The following MROH9 variants were observed in gnomAD, a reference collection of about 807,000 sequenced individuals.
MROH9 encodes the protein maestro heat like repeat family member 9.
In MROH9, 92 loss-of-function variants were observed where a neutral mutation model predicts 98.2. That is an observed-to-expected ratio of 0.94 (90% CI 0.79 to 1.11). MROH9 has a LOEUF of 1.11. MROH9 is among the 50% of genes most tolerant of loss of function. MROH9 has a pLI of 0.00. For synonymous variants in MROH9, 397 were observed against 368.9 expected (o/e 1.08, Z -0.87); for missense variants, 1,057 against 1,014.8 (o/e 1.04, Z -0.57).
In MROH9 at chr1:171,056,466, G is replaced by T. The variant is rs148488867; in HGVS notation, c.2282-5666G>T. Among the ~76,000 whole-genome samples the T allele has an allele frequency of 3.3e-5, 5 of 152,290 alleles. No homozygotes were observed. The East Asian group carries it at 9.7e-4, about 29-fold the overall frequency. On this transcript the variant is annotated intron_variant, in intron 20 of 21. Transcript: ENST00000367759. Reference sequence around the variant, plus strand: ...GGAAATCCAACAACTCTAACCAGAGGCTCAGGGACAGAACCCAGATCTCCC... The same window carrying T: ...GGAAATCCAACAACTCTAACCAGAGTCTCAGGGACAGAACCCAGATCTCCC...
intron 6 of MROH9, among the ~76,000 whole-genome samples, chr1:170,962,730 G>GT (rs398069591): frequency 0.011 from 1,364 of 128,988 alleles, 16 homozygotes; most frequent in African/African-American, 0.032. Context: ...AATTTGAGCT[G>GT]TTTTTTTTAA....
At chr1:171,059,329 C>T (rs970318978) in intron 20 of MROH9, among the ~76,000 whole-genome samples, 12 of 152,074 alleles carry the variant, frequency 7.9e-5, no homozygotes, top group Non-Finnish European at 1.6e-4. Context: ...CAAATCAAAA[C>T]CACAATGAGA....
chr1:171,014,411 G>A (rs1652261753), intron 16 of MROH9, among the ~76,000 whole-genome samples, 157 bp downstream of exon 16: 1 of 151,048 alleles, frequency 6.6e-6, no homozygotes, highest in East Asian at 1.9e-4. Flanking sequence ...AGGAAACTGA[G>A]TTGAATAGAA....
At position 170,952,006 on chromosome 1, in the gene MROH9, T is replaced by C. The variant is rs1649571061; in HGVS notation, c.72+4433T>C. Among the ~76,000 whole-genome samples the C allele has an allele frequency of 2.6e-5, 4 of 152,108 alleles. No individual in the cohort carries two copies. In the East Asian group the frequency reaches 5.8e-4, roughly 22 times the overall value. ...CAAAAGACACATGAAAAAATGCTCA[T>C]CATCACTGGCCATCAGAGAAATGCA... On this transcript the variant is annotated intron_variant, in intron 3 of 21. Coordinates refer to ENST00000367759, the MANE Select transcript of MROH9 (RefSeq NM_001163629.2).
intron 1 of MROH9, among the ~76,000 whole-genome samples, chr1:170,942,408 CA>C (rs1316012016): frequency 7.5e-4 from 104 of 139,580 alleles, no homozygotes; most frequent in Middle Eastern, 3.7e-3. Flanking sequence ...CACACACACA[CA>C]CCCTCAGAGA....
intron 7 of MROH9, among the ~76,000 whole-genome samples, chr1:170,970,731 T>TGTGAGAGA (rs1491154307): frequency 0.099 from 8,943 of 89,908 alleles, 500 homozygotes; most frequent in East Asian, 0.14. Context: ...TGTGTGTGTG[T>TGTGAGAGA]GAGAGAGAGA....
intron 20 of MROH9, among the ~76,000 whole-genome samples, chr1:171,056,213 G>A (rs949734516): frequency 1.3e-5 from 2 of 152,168 alleles, no homozygotes; most frequent in South Asian, 2.1e-4. Flanking sequence ...CCAGCACTGG[G>A]ACTCACAACT....
In MROH9 at chr1:171,016,185, T is replaced by A; in HGVS notation, c.1757T>A (p.Leu586Ter). Residue 586 changes from leucine (L) to a stop codon, truncating the protein, a stop_gained, in exon 17 of 22, where the codon TTA becomes TAA. Transcript: ENST00000367759. LOFTEE classifies it high-confidence loss of function. Reference sequence around the variant, plus strand: ...TAGACAGAAAATGTCAGCAGTATATTAATAGCCATCCTGGATGCCTTCCTT... The same window carrying A: ...TAGACAGAAAATGTCAGCAGTATATAAATAGCCATCCTGGATGCCTTCCTT... ...INKTENVSSI[L>*]IAILDAFLSK... The A allele has an allele frequency of 3.3e-6, 5 of 1,526,128 alleles. No individual in the cohort carries two copies. The highest frequency in any genetic ancestry group is 4.4e-6 in the Non-Finnish European group (5 of 1,136,220). 94.5% of individuals were successfully genotyped at this position (1,526,128 alleles called of 1,614,324 possible). A position where few individuals can be genotyped will look rare whatever the true frequency, so the allele number is the denominator to read the frequency against.
chr1:170,966,428 A>T (rs536778884), intron 7 of MROH9, among the ~76,000 whole-genome samples: 1 of 152,116 alleles, frequency 6.6e-6, no homozygotes, highest in Admixed American at 6.5e-5. Context: ...TTGTAAACAT[A>T]CTCTGCTAAT....
Position 170,996,558 on chromosome 1 carries a change from G to A in MROH9, c.1389G>A (p.Gln463=), listed in dbSNP as rs558992795. The A allele has an allele frequency of 2.1e-5, 34 of 1,613,662 alleles. No individual in the cohort carries two copies. The African/African-American group carries it at 3.2e-4, about 15-fold the overall frequency. ...TGCTGAATTGTTCTGGACTGCAACA[G>A]GTGGATATTACTCTAATGAAGGAGA... ...RVLLNCSGLQ[Q]VDITLMKENF... is the part of the protein sequence containing the mutation. Residue 463 remains glutamine, a synonymous_variant, in exon 14 of 22, where the codon CAG becomes CAA. Transcript: ENST00000367759.
chr1:170,944,008 T>A (rs1194109164), intron 1 of MROH9, among the ~76,000 whole-genome samples: 1 of 151,960 alleles, frequency 6.6e-6, no homozygotes, highest in Non-Finnish European at 1.5e-5. Flanking sequence ...ATAATATCGC[T>A]AATAACAATT....
intron 20 of MROH9, among the ~76,000 whole-genome samples, chr1:171,048,016 G>C (rs1262423032): frequency 6.6e-6 from 1 of 152,130 alleles, no homozygotes; most frequent in Non-Finnish European, 1.5e-5. Context: ...TATTCTCTCT[G>C]TCTCTCTGTT....
intron 15 of MROH9, among the ~76,000 whole-genome samples, chr1:171,009,838 G>A (rs1469566693): frequency 6.6e-6 from 1 of 152,206 alleles, no homozygotes; most frequent in Non-Finnish European, 1.5e-5. Context: ...CCAAAGAAGG[G>A]CTAAAGGCCC....
chr1:170,972,138 G>T (rs1351246787), intron 8 of MROH9, among the ~76,000 whole-genome samples: 1 of 152,186 alleles, frequency 6.6e-6, no homozygotes, highest in Non-Finnish European at 1.5e-5. Context: ...GGAGAGGAAT[G>T]CTGGGTGGAT....
chr1:171,003,082 C>T (rs889016821), intron 15 of MROH9, among the ~76,000 whole-genome samples: 1 of 151,982 alleles, frequency 6.6e-6, no homozygotes, highest in East Asian at 1.9e-4. Context: ...TCCAAAATTT[C>T]CTGAACTTTT....
At chr1:171,016,490 T>TA (rs1446283122) in intron 17 of MROH9, among the ~76,000 whole-genome samples, 154 bp downstream of exon 17, 4 of 115,098 alleles carry the variant, frequency 3.5e-5, no homozygotes, top group African/African-American at 1.2e-4. Flanking sequence ...AGTACTGGTC[T>TA]TTTTTTTTTT....
At chr1:171,033,498 G>C (rs1014455542) in intron 20 of MROH9, among the ~76,000 whole-genome samples, 22 of 152,244 alleles carry the variant, frequency 1.4e-4, no homozygotes, top group African/African-American at 4.6e-4. Context: ...CTTGGCTTTG[G>C]GGGAGGGGCT....
intron 20 of MROH9, among the ~76,000 whole-genome samples, chr1:171,052,521 G>A (rs1653703013): frequency 6.6e-6 from 1 of 152,158 alleles, no homozygotes; most frequent in Non-Finnish European, 1.5e-5. Flanking sequence ...GATATGTCCA[G>A]GTATAGAGCG....
At chr1:170,942,344 A>C (rs973259610) in intron 1 of MROH9, among the ~76,000 whole-genome samples, 2 of 150,068 alleles carry the variant, frequency 1.3e-5, no homozygotes, top group African/African-American at 4.9e-5. Context: ...AGGCAATTAC[A>C]GTTTCCTCCG....
Sources: gnomAD v4.1 joint callset for allele counts (sites outside exome capture counted in the v4.1 genomes callset) on GRCh38, gnomAD v4.1.1 for gene constraint, MANE v1.5 for transcripts, NCBI Gene and HGNC (gene_info 2026-07-23, HGNC 2026-07-21) for gene names.